SCRN1: variants seen among roughly 807,000 people sequenced by gnomAD.
SCRN1 encodes secernin 1.
Under a neutral mutation model 43.3 loss-of-function variants are expected in SCRN1, and 19 were observed. That is an observed-to-expected ratio of 0.44 (90% confidence interval 0.31 to 0.64). The LOEUF is 0.64. Ranked by LOEUF, SCRN1 falls within the 30% of genes least tolerant of loss-of-function variation. SCRN1 has a pLI of 0.09. For synonymous variants in SCRN1, 183 were observed against 188.9 expected, an observed-to-expected ratio of 0.97 and a Z score of 0.26; for missense variants, 447 against 524.1, an observed-to-expected ratio of 0.85 and a Z score of 1.44.
At chr7:29,924,813 A>C (rs983840572) in intron 7 of SCRN1, among the ~76,000 whole-genome samples, 71 of 152,106 alleles carry the variant, frequency 4.7e-4, no homozygotes, top group African/African-American at 1.6e-3. Flanking sequence ...CATGGGACTC[A>C]CTCATTTATG....
At position 29,955,162 on chromosome 7, in the gene SCRN1, G is replaced by A. The variant is rs1421656258; in HGVS notation, c.341+17C>T. Reference sequence around the variant, plus strand: ...ACCTTTTCTAGGAAGTTGTTTCAAAGAATCACCATGCAGTACCTGACCAGA... The same window carrying A: ...ACCTTTTCTAGGAAGTTGTTTCAAAAAATCACCATGCAGTACCTGACCAGA... On this transcript the variant is annotated intron_variant, in intron 3 of 7. Coordinates refer to ENST00000242059, the MANE Select transcript of SCRN1 (RefSeq NM_014766.5). 1.9e-6 allele frequency: 3 copies of A among 1,596,158 alleles called. No individual in the cohort carries two copies. In the South Asian group the frequency reaches 3.4e-5, roughly 18 times the overall value.
Position 29,943,878 on chromosome 7 carries a change from G to A in SCRN1, c.544+99C>T, listed in dbSNP as rs531969676. On this transcript the variant is annotated intron_variant, in intron 4 of 7. Transcript: ENST00000242059. ...GTCCCACACAGAGAGGACCTGCAAC[G>A]GCACGTCTTTCTTCCAGGTCTGACA... is the stretch of plus-strand genomic sequence containing the variant. 173 of 1,112,952 alleles carry A rather than the reference G, an allele frequency of 1.6e-4. No individual in the cohort carries two copies. The African/African-American group carries it at 2.0e-3, about 13-fold the overall frequency. 68.9% of individuals were successfully genotyped at this position (1,112,952 alleles called of 1,614,324 possible).
intron 1 of SCRN1, among the ~76,000 whole-genome samples, chr7:29,979,257 G>A (rs1788926827): frequency 1.3e-5 from 2 of 152,128 alleles, no homozygotes; most frequent in Admixed American, 6.5e-5. Flanking sequence ...CAGCTACTCA[G>A]GAGGCTGAGG....
chr7:29,980,138 A>G (rs1788953194), intron 1 of SCRN1, among the ~76,000 whole-genome samples: 1 of 152,214 alleles, frequency 6.6e-6, no homozygotes, highest in Admixed American at 6.5e-5. Flanking sequence ...ATTACATGAG[A>G]TAATATATGT....
At chr7:29,928,239 C>A (rs1221474653) in intron 6 of SCRN1, among the ~76,000 whole-genome samples, 1 of 152,202 alleles carries the variant, frequency 6.6e-6, no homozygotes, top group Non-Finnish European at 1.5e-5. Flanking sequence ...GCAACAGTAT[C>A]GGCTGCAGAA....
At chr7:29,954,842 G>A (rs1461401277) in intron 3 of SCRN1, among the ~76,000 whole-genome samples, 3 of 152,034 alleles carry the variant, frequency 2.0e-5, no homozygotes, top group African/African-American at 7.3e-5. Flanking sequence ...CACCACGTTC[G>A]GCTAATTTTT....
rs1421953002 is a variant in SCRN1 at position 29,921,369 on chromosome 7, G to A, written c.*2588C>T. Reference sequence around the variant, plus strand: ...ATTTTTCAAAAGCAAAATCTGTTAGGAACATTTAAAAATGAACATTCCTCA... The same window carrying A: ...ATTTTTCAAAAGCAAAATCTGTTAGAAACATTTAAAAATGAACATTCCTCA... On this transcript the variant is annotated 3_prime_UTR_variant, in exon 8 of 8. Transcript: ENST00000242059. The A allele has an allele frequency of 2.0e-5, 3 of 152,164 alleles. No homozygotes were observed. The highest frequency in any genetic ancestry group is 7.2e-5 in the African/African-American group (3 of 41,426). The allele number at this position is 152,164 out of a possible 1,614,324, so 9.4% of individuals were successfully genotyped here. A position where few individuals can be genotyped will look rare whatever the true frequency, so the allele number is the denominator to read the frequency against.
At chr7:29,981,106 C>A (rs1198865171) in intron 1 of SCRN1, among the ~76,000 whole-genome samples, 3 of 151,726 alleles carry the variant, frequency 2.0e-5, no homozygotes, top group African/African-American at 7.3e-5. Flanking sequence ...AAAATCTGAT[C>A]ATTTCAGTGC....
chr7:29,989,217 C>G (rs1296106684), intron 1 of SCRN1: 3 of 152,156 alleles, frequency 2.0e-5, no homozygotes, highest in Non-Finnish European at 4.4e-5. Flanking sequence ...CGCCCGCCCG[C>G]GCAGCAGGTA....
intron 7 of SCRN1, 91 bp downstream of exon 7, chr7:29,926,361 T>C: frequency 7.2e-7 from 1 of 1,389,450 alleles, no homozygotes; most frequent in Non-Finnish European, 1.0e-6. Context: ...GGGGGTAGGG[T>C]CTAGCTTGAC....
At chr7:29,924,685 T>C (rs189174245) in intron 7 of SCRN1, among the ~76,000 whole-genome samples, 2 of 152,152 alleles carry the variant, frequency 1.3e-5, no homozygotes, top group African/African-American at 2.4e-5. Context: ...CTCCAGTGAC[T>C]GGGAGGGCAC....
chr7:29,941,824 A>G (rs1363032871), intron 4 of SCRN1, among the ~76,000 whole-genome samples: 1 of 152,224 alleles, frequency 6.6e-6, no homozygotes, highest in Non-Finnish European at 1.5e-5. Flanking sequence ...TGTCTAGGGC[A>G]CAAACACTAG....
At chr7:29,984,364 A>T (rs1376139635) in intron 1 of SCRN1, among the ~76,000 whole-genome samples, 1 of 152,126 alleles carries the variant, frequency 6.6e-6, no homozygotes, top group Non-Finnish European at 1.5e-5. Context: ...AAGCAAAAAC[A>T]TAAACTCAAT....
chr7:29,969,238 ATGACAGAG>A, intron 1 of SCRN1, 170 bp from the exon 2 acceptor site: 1 of 682,884 alleles, frequency 1.5e-6, no homozygotes, highest in Non-Finnish European at 2.4e-6. Context: ...CTGCAGTGGA[ATGACAGAG>A]CCACCGAGAC....
chr7:29,938,610 A>G (rs144352566), intron 5 of SCRN1, among the ~76,000 whole-genome samples: 1 of 152,386 alleles, frequency 6.6e-6, no homozygotes, highest in African/African-American at 2.4e-5. Flanking sequence ...TTCTTAAACC[A>G]CAAACAATAG....
intron 6 of SCRN1, among the ~76,000 whole-genome samples, chr7:29,935,203 T>C (rs187537706): frequency 1.3e-5 from 2 of 152,322 alleles, no homozygotes; most frequent in Non-Finnish European, 2.9e-5. Context: ...CAGCTAATAC[T>C]GAGTTCCGCA....
Position 29,950,073 on chromosome 7 carries a change from C to T in SCRN1, c.341+5106G>A, listed in dbSNP as rs995260053. ...CCCTACCAAGTTGGCAGGGTGGGAG[C>T]CCCATGCTCCCAGGCACAGCTGCAG... On this transcript the variant is annotated intron_variant, in intron 3 of 7. Coordinates refer to ENST00000242059, the MANE Select transcript of SCRN1 (RefSeq NM_014766.5). The surrounding 1 kb of genome is among the most constrained non-coding windows in gnomAD (Gnocchi z 4.5). 6.6e-6 allele frequency among the ~76,000 whole-genome samples: 1 copy of T among 152,148 alleles called. No homozygotes were observed. The highest frequency in any genetic ancestry group is 1.5e-5 in the Non-Finnish European group (1 of 68,012).
intron 4 of SCRN1, among the ~76,000 whole-genome samples, chr7:29,943,370 C>T (rs1787621566): frequency 1.3e-5 from 2 of 152,142 alleles, no homozygotes; most frequent in Admixed American, 1.3e-4. Context: ...ACTTACTTCC[C>T]CAGGGCTGTG....
At chr7:29,985,894 C>A (rs1352819279) in intron 1 of SCRN1, among the ~76,000 whole-genome samples, 1 of 152,220 alleles carries the variant, frequency 6.6e-6, no homozygotes, top group African/African-American at 2.4e-5. Flanking sequence ...CTACAAACAG[C>A]ATTATGAGCT....
Sources: gnomAD v4.1 joint callset for allele counts (sites outside exome capture counted in the v4.1 genomes callset) on GRCh38, gnomAD v4.1.1 for gene constraint, Gnocchi (gnomAD v3.1) non-coding constraint, MANE v1.5 for transcripts, NCBI Gene and HGNC (gene_info 2026-07-23, HGNC 2026-07-21) for gene names.